The following AUNIP variants were observed in gnomAD, a reference collection of about 807,000 sequenced individuals.
AUNIP encodes the protein aurora kinase A- and ninein-interacting protein.
A neutral mutation model predicts 12.2 loss-of-function variants in AUNIP; 16 were observed. The ratio of observed to expected loss-of-function variants is 1.31; its 90% CI spans 0.88 to 1.99. The LOEUF (loss-of-function observed/expected upper bound fraction) is 1.99, where lower values mean the gene tolerates loss of function less well. AUNIP is among the 30% of genes most tolerant of loss of function. The probability of loss-of-function intolerance (pLI) is 0.00; values close to 1 mark genes in which losing one functional copy is unlikely to be tolerated. For missense variants in AUNIP, 411 were observed against 419.1 expected (o/e 0.98, Z 0.17); for synonymous variants, 142 against 154.8 (o/e 0.92, Z 0.61).
chr1:25,854,140 G>T (rs2048442723), intron 1 of AUNIP, among the ~76,000 whole-genome samples: 1 of 152,084 alleles, frequency 6.6e-6, no homozygotes, highest in African/African-American at 2.4e-5. Context: ...AACCCAGCAG[G>T]TGGAGGTTGC....
intron 1 of AUNIP, among the ~76,000 whole-genome samples, chr1:25,846,216 C>T (rs1357034053): frequency 6.6e-6 from 1 of 151,904 alleles, no homozygotes; most frequent in Non-Finnish European, 1.5e-5. Context: ...GGTAGGAGTT[C>T]GAGATCAGCC....
Position 25,834,825 on chromosome 1 carries a change from T to TTA in AUNIP, c.*166_*167dup. 1 of 1,446,682 alleles carries TTA rather than the reference T, an allele frequency of 6.9e-7. No individual in the cohort carries two copies. Among genetic ancestry groups the TTA allele is most frequent in the South Asian group, 1.5e-5 (1 of 67,100 alleles). 89.6% of individuals were successfully genotyped at this position (1,446,682 alleles called of 1,614,324 possible). On this transcript the variant is annotated 3_prime_UTR_variant, in exon 3 of 3. Coordinates refer to ENST00000374298, the MANE Select transcript of AUNIP (RefSeq NM_024037.3). ...AAGCCATGATGCCAATCCCACTGTC[T>TTA]TAACAATGGTACTGCCCTTTATTTA...
At chr1:25,832,245 T>C, downstream of AUNIP, 1 of 1,346,678 alleles carries the variant, frequency 7.4e-7, no homozygotes, top group Non-Finnish European at 1.0e-6. Context: ...AGACATTTGT[T>C]TCAGGTAATC....
intron 2 of AUNIP, 109 bp downstream of exon 2, chr1:25,837,303 TA>T (rs1325046756): frequency 1.6e-5 from 22 of 1,336,748 alleles, no homozygotes; most frequent in Non-Finnish European, 2.0e-5. Context: ...AGGCTAAGTT[TA>T]ACACAATGCA....
rs367828903 is a variant in AUNIP at position 25,859,373 on chromosome 1, G to C, written c.-16C>G. The C allele has an allele frequency of 7.4e-5, 112 of 1,506,360 alleles. No individual in the cohort carries two copies. The highest frequency in any genetic ancestry group is 1.1e-4 in the Admixed American group (5 of 43,940). 93.3% of individuals were successfully genotyped at this position (1,506,360 alleles called of 1,614,324 possible). ...TCCGCCTCATGGCCGCTGAGGAGAC[G>C]AAGCCGGCAGGACGCCGGCGCAGGC... On this transcript the variant is annotated 5_prime_UTR_variant, in exon 1 of 3. Coordinates refer to ENST00000374298, the MANE Select transcript of AUNIP (RefSeq NM_024037.3).
chr1:25,854,209 CA>C (rs1474619287), intron 1 of AUNIP, among the ~76,000 whole-genome samples: 5 of 151,958 alleles, frequency 3.3e-5, no homozygotes, highest in African/African-American at 1.2e-4. Context: ...GACTCCATCT[CA>C]AAAAAATAAA....
At position 25,847,462 on chromosome 1, in the gene AUNIP, AC is replaced by A. The variant is rs1046378884; in HGVS notation, c.79-9909del. Among the ~76,000 whole-genome samples the A allele has an allele frequency of 2.6e-5, 4 of 151,908 alleles. No individual in the cohort carries two copies. The highest frequency in any genetic ancestry group is 5.9e-5 in the Non-Finnish European group (4 of 67,960). ...GTATTTTTAGTAGAGATGAGGTTTT[AC>A]CATGTTGGCCAGGCTGGTCTTAAAC... On this transcript the variant is annotated intron_variant, in intron 1 of 2. Transcript: ENST00000374298. The surrounding 1 kb of genome is among the most constrained non-coding windows in gnomAD (Gnocchi z 4.2).
intron 1 of AUNIP, 135 bp from the exon 2 acceptor site, chr1:25,837,689 T>C (rs2048314610): frequency 2.3e-6 from 2 of 854,858 alleles, no homozygotes; most frequent in South Asian, 5.3e-5. Context: ...ATTCTCAAGG[T>C]AGTTGGTGCT....
intron 1 of AUNIP, among the ~76,000 whole-genome samples, chr1:25,843,623 AGG>A (rs200650546): frequency 4.3e-5 from 6 of 138,078 alleles, no homozygotes; most frequent in African/African-American, 6.6e-5. Flanking sequence ...AAAAAAAAAA[AGG>A]GATTCATGAT....
intron 1 of AUNIP, among the ~76,000 whole-genome samples, chr1:25,848,296 A>G (rs2048398667): frequency 6.6e-6 from 1 of 151,944 alleles, no homozygotes; most frequent in Admixed American, 6.6e-5. Flanking sequence ...TAATCCCAAC[A>G]CAGTAAGACC....
rs2048312085 is a variant in AUNIP at position 25,837,461 on chromosome 1, T to C, written c.172A>G (p.Thr58Ala). The change falls in exon 2 of 3, where the codon ACA (threonine) becomes GCA (alanine). Residue 58 changes from threonine to alanine, a missense_variant. Thr to Ala is a moderately conservative substitution (Grantham distance 58). Coordinates refer to ENST00000374298, the MANE Select transcript of AUNIP (RefSeq NM_024037.3). ...GCAATGCTTCTCTGGTGAATGCCTG[T>C]AGATGGAGCTCTTCTTTGAGTAAAA... The part of the protein sequence containing the change: ...IYFTQRRAPS[T>A]GIHQRSIASF... 1 of 1,614,126 alleles carries C rather than the reference T, an allele frequency of 6.2e-7. No individual in the cohort carries two copies. The highest frequency in any genetic ancestry group is 8.5e-7 in the Non-Finnish European group (1 of 1,179,980).
chr1:25,859,449 C>A lies in AUNIP; in HGVS notation c.-92G>T. 3 of 1,208,596 alleles carry A rather than the reference C, an allele frequency of 2.5e-6. No homozygotes were observed. Among genetic ancestry groups the A allele is most frequent in the South Asian group, 1.7e-5 (1 of 60,208 alleles). 74.9% of individuals were successfully genotyped at this position (1,208,596 alleles called of 1,614,324 possible). A position where few individuals can be genotyped will look rare whatever the true frequency, so the allele number is the denominator to read the frequency against. Reference sequence around the variant, plus strand: ...ACCGCGGCCGCCGACGTTCGGATCTCGCGCCAACGCTGGGGGCGGGGCTAC... The same window carrying A: ...ACCGCGGCCGCCGACGTTCGGATCTAGCGCCAACGCTGGGGGCGGGGCTAC... On this transcript the variant is annotated 5_prime_UTR_variant, in exon 1 of 3. Transcript: ENST00000374298.
At chr1:25,841,119 G>C (rs1279023293) in intron 1 of AUNIP, among the ~76,000 whole-genome samples, 1 of 152,166 alleles carries the variant, frequency 6.6e-6, no homozygotes, top group Non-Finnish European at 1.5e-5. Flanking sequence ...GTAGGTCAGA[G>C]TGCGGTCAGA....
chr1:25,832,564 G>C (rs777610433), downstream of AUNIP: 8 of 198,930 alleles, frequency 4.0e-5, no homozygotes, highest in Non-Finnish European at 7.4e-5. Flanking sequence ...TCTAGATGTA[G>C]AGGTCAGGCT....
At chr1:25,846,583 C>A (rs2048385214) in intron 1 of AUNIP, among the ~76,000 whole-genome samples, 1 of 152,106 alleles carries the variant, frequency 6.6e-6, no homozygotes, top group African/African-American at 2.4e-5. Context: ...ATTAACCAGG[C>A]ATGATGGCAG....
chr1:25,835,656 G>C lies in AUNIP; in HGVS notation c.411C>G (p.Leu137=). The part of the protein sequence containing the change: ...IQEAGLSPQS[L]QTSGHHRMKT... ...TCATTCTGTGGTGGCCAGAAGTCTGGAGGGACTGAGGAGAGAGTCCAGCTT... is the reference window on the plus strand; with the variant it reads ...TCATTCTGTGGTGGCCAGAAGTCTGCAGGGACTGAGGAGAGAGTCCAGCTT... The change falls in exon 3 of 3, where the codon CTC becomes CTG. Residue 137 remains leucine, a synonymous_variant. Coordinates refer to ENST00000374298, the MANE Select transcript of AUNIP (RefSeq NM_024037.3). 1 of 1,614,212 alleles carries C rather than the reference G, an allele frequency of 6.2e-7. No homozygotes were observed. Among genetic ancestry groups the C allele is most frequent in the Admixed American group, 1.7e-5 (1 of 60,028 alleles).
intron 1 of AUNIP, among the ~76,000 whole-genome samples, chr1:25,842,382 C>T (rs1053294072): frequency 2.6e-5 from 4 of 152,158 alleles, no homozygotes; most frequent in African/African-American, 9.7e-5. Context: ...AGGAACGCCA[C>T]AGAAGAAAAG....
At position 25,856,772 on chromosome 1, in the gene AUNIP, C is replaced by T. The variant is rs375328102; in HGVS notation, c.78+2508G>A. ...TCCCTGTGGAATATTCCCTTTCTCG[C>T]TCTCCTGAACTCTTCCTAATTCTAT... On this transcript the variant is annotated intron_variant, in intron 1 of 2. Coordinates refer to ENST00000374298, the MANE Select transcript of AUNIP (RefSeq NM_024037.3). Among the ~76,000 whole-genome samples, 11 of 152,230 alleles carry T rather than the reference C, an allele frequency of 7.2e-5. No homozygotes were observed. In the East Asian group the frequency reaches 2.1e-3, roughly 29 times the overall value.
chr1:25,836,360 GT>G (rs1048993234), intron 2 of AUNIP, among the ~76,000 whole-genome samples: 50 of 152,192 alleles, frequency 3.3e-4, no homozygotes, highest in African/African-American at 1.1e-3. Context: ...TGTGAAAAAC[GT>G]GGGTCCTCCA....
Sources: gnomAD v4.1 joint callset for allele counts (sites outside exome capture counted in the v4.1 genomes callset) on GRCh38, gnomAD v4.1.1 for gene constraint, Gnocchi (gnomAD v3.1) non-coding constraint, MANE v1.5 for transcripts, NCBI Gene and HGNC (gene_info 2026-07-23, HGNC 2026-07-21) for gene names.